Variants in PDE7B observed in about 807,000 individuals in gnomAD.
The protein encoded by PDE7B is 3',5'-cyclic-AMP phosphodiesterase 7B.
A neutral mutation model predicts 56.2 loss-of-function variants in PDE7B; 29 were observed. The observed-to-expected ratio is 0.52, with a 90% CI of 0.38 to 0.70. The LOEUF (loss-of-function observed/expected upper bound fraction) is 0.70, where lower values mean the gene tolerates loss of function less well. Among genes scored for constraint, PDE7B ranks in the 30% least tolerant of loss-of-function variants. The pLI, the probability that PDE7B is intolerant of heterozygous loss-of-function variation, is 0.00. For synonymous variants in PDE7B, 197 were observed against 196.9 expected, an observed-to-expected ratio of 1.00 and a Z score of 0.00; for missense variants, 490 against 565.0, an observed-to-expected ratio of 0.87 and a Z score of 1.35.
At chr6:135,969,852 C>A (rs1775062635) in intron 2 of PDE7B, among the ~76,000 whole-genome samples, 1 of 151,988 alleles carries the variant, frequency 6.6e-6, no homozygotes, top group South Asian at 2.1e-4. Flanking sequence ...GACCCCATGG[C>A]TATTCAGAGA....
At chr6:135,954,879 G>A (rs139637156) in intron 2 of PDE7B, among the ~76,000 whole-genome samples, 4 of 152,260 alleles carry the variant, frequency 2.6e-5, no homozygotes, top group African/African-American at 9.6e-5. Flanking sequence ...CATTTCCACA[G>A]CAACAGAACA....
At chr6:135,893,377 G>A (rs901779764) in intron 1 of PDE7B, among the ~76,000 whole-genome samples, 2 of 151,972 alleles carry the variant, frequency 1.3e-5, no homozygotes, top group Non-Finnish European at 2.9e-5. Flanking sequence ...CTTCATCCAT[G>A]TCCCTACAAA....
intron 2 of PDE7B, among the ~76,000 whole-genome samples, chr6:136,045,412 T>G (rs1776485404): frequency 3.3e-5 from 5 of 152,216 alleles, no homozygotes; most frequent in Admixed American, 3.3e-4. Flanking sequence ...TAGAGGCCCC[T>G]TCTTCTAAGC....
chr6:136,156,874 C>G (rs147771862), intron 8 of PDE7B, among the ~76,000 whole-genome samples: 3 of 152,108 alleles, frequency 2.0e-5, no homozygotes, highest in Admixed American at 2.0e-4. Context: ...TCACTATTAA[C>G]TATACTAAGG....
intron 1 of PDE7B, among the ~76,000 whole-genome samples, chr6:135,881,191 A>G (rs1312681183): frequency 6.6e-6 from 1 of 152,034 alleles, no homozygotes; most frequent in Non-Finnish European, 1.5e-5. Flanking sequence ...TTGGAATCAC[A>G]ATGATGTATA....
At chr6:136,077,321 A>G (rs536755577) in intron 2 of PDE7B, among the ~76,000 whole-genome samples, 147 of 152,350 alleles carry the variant, frequency 9.6e-4, no homozygotes, top group African/African-American at 3.4e-3. Context: ...AAAAACATAA[A>G]GATGTGTGGT....
chr6:136,144,558 C>T (rs1778383575), intron 3 of PDE7B, among the ~76,000 whole-genome samples: 2 of 152,068 alleles, frequency 1.3e-5, no homozygotes, highest in African/African-American at 4.8e-5. Context: ...TAAATACTGT[C>T]TCATGCATAA....
intron 1 of PDE7B, among the ~76,000 whole-genome samples, chr6:135,885,130 C>G (rs1775679389): frequency 6.6e-6 from 1 of 152,096 alleles, no homozygotes; most frequent in African/African-American, 2.4e-5. Context: ...CTATTCTTCT[C>G]TATTTCAGAG....
chr6:135,858,748 C>T (rs541570607), intron 1 of PDE7B, among the ~76,000 whole-genome samples: 52 of 152,202 alleles, frequency 3.4e-4, no homozygotes, highest in African/African-American at 1.3e-3. Context: ...AGATCTTTCT[C>T]CATAAACAAT....
chr6:136,171,497 G>A (rs189947953), intron 8 of PDE7B, among the ~76,000 whole-genome samples: 122 of 152,268 alleles, frequency 8.0e-4, no homozygotes, highest in Non-Finnish European at 3.4e-4. Context: ...TCTTATCAGC[G>A]TTGAGAAATG....
intron 2 of PDE7B, among the ~76,000 whole-genome samples, chr6:136,078,733 G>C (rs369110102): frequency 6.6e-6 from 1 of 151,614 alleles, no homozygotes; most frequent in Non-Finnish European, 1.5e-5. Context: ...GTCATAAGGG[G>C]TAGAATTTAT....
intron 1 of PDE7B, among the ~76,000 whole-genome samples, chr6:135,856,634 C>T (rs1775033081): frequency 6.6e-6 from 1 of 152,038 alleles, no homozygotes; most frequent in African/African-American, 2.4e-5. Flanking sequence ...TGGGATTCTG[C>T]GTGGCTCAGA....
intron 1 of PDE7B, among the ~76,000 whole-genome samples, chr6:135,935,103 C>A (rs1774388335): frequency 1.2e-5 from 1 of 80,294 alleles, no homozygotes; most frequent in Non-Finnish European, 2.2e-5. Flanking sequence ...ATATATTTCT[C>A]TATATATTTT....
At chr6:136,155,984 G>A in intron 8 of PDE7B, 1 of 666,994 alleles carries the variant, frequency 1.5e-6, no homozygotes, top group Non-Finnish European at 2.8e-6. Flanking sequence ...TGAGGAATTA[G>A]CTCATGTCGA....
chr6:136,120,847 T>C lies in PDE7B; in HGVS notation c.166+12033T>C, dbSNP rs76894552. ...GTGTGGTCGCCTGGCTCAGCCTTGG[T>C]CATCTAAGTCTTTACCATTGTTTTC... On this transcript the variant is annotated intron_variant, in intron 3 of 12. Coordinates refer to ENST00000308191, the MANE Select transcript of PDE7B (RefSeq NM_018945.4). Among the ~76,000 whole-genome samples, 712 of 152,184 alleles carry C rather than the reference T, an allele frequency of 4.7e-3. 3 individuals carry two copies. Among genetic ancestry groups the C allele is most frequent in the African/African-American group, 0.017 (688 of 41,510 alleles).
intron 2 of PDE7B, among the ~76,000 whole-genome samples, chr6:135,971,670 T>C (rs1215894502): frequency 6.6e-6 from 1 of 152,214 alleles, no homozygotes; most frequent in Non-Finnish European, 1.5e-5. Flanking sequence ...GACATTGGTA[T>C]GAGTTCTAAC....
intron 8 of PDE7B, among the ~76,000 whole-genome samples, chr6:136,173,469 C>T (rs967379882): frequency 2.0e-4 from 30 of 152,174 alleles, no homozygotes; most frequent in Admixed American, 5.2e-4. Context: ...GCTGTCACTG[C>T]TTCACTTTCT....
chr6:136,001,650 A>C (rs1410860396), intron 2 of PDE7B, among the ~76,000 whole-genome samples: 1 of 152,216 alleles, frequency 6.6e-6, no homozygotes, highest in Admixed American at 6.5e-5. Context: ...AGTTTAGAGA[A>C]AAAAGAATAA....
rs201953674 is a variant in PDE7B at position 136,191,900 on chromosome 6, C to A, written c.*60C>A. On this transcript the variant is annotated 3_prime_UTR_variant, in exon 13 of 13. Transcript: ENST00000308191. ...CAGGGCCCCCAGAGGGCAGAAGCAG[C>A]GTGGAGGGGCCCTCACGCAGCAGCC... 1,452 of 1,286,314 alleles carry A rather than the reference C, an allele frequency of 1.1e-3. 25 individuals carry two copies. The East Asian group carries it at 0.014, about 12-fold the overall frequency. The allele number at this position is 1,286,314 out of a possible 1,614,324, so 79.7% of individuals were successfully genotyped here.
Sources: allele counts gnomAD v4.1 joint callset (sites outside exome capture counted in the v4.1 genomes callset), GRCh38; gene constraint gnomAD v4.1.1; transcripts MANE v1.5; gene names NCBI Gene and HGNC (gene_info 2026-07-23, HGNC 2026-07-21).